The following PCGF5 variants were observed in gnomAD, a reference collection of about 807,000 sequenced individuals.
PCGF5 encodes the protein polycomb group ring finger 5.
In PCGF5, 9 loss-of-function variants were observed where a neutral mutation model predicts 44.3. The observed-to-expected ratio is 0.20, with a 90% CI of 0.12 to 0.35. The LOEUF is 0.35. PCGF5 is among the 10% of genes least tolerant of loss of function. The probability of loss-of-function intolerance (pLI) is 1.00; values close to 1 mark genes in which losing one functional copy is unlikely to be tolerated. For synonymous variants in PCGF5, 95 were observed against 102.5 expected (o/e 0.93, Z 0.44); for missense variants, 146 against 305.3 (o/e 0.48, Z 3.89).
At chr10:91,264,574 T>C in intron 8 of PCGF5, 54 bp downstream of exon 8, 1 of 1,324,404 alleles carries the variant, frequency 7.6e-7, no homozygotes, top group Non-Finnish European at 1.0e-6. Flanking sequence ...ACCATTATGT[T>C]ACTCAAATTT....
intron 2 of PCGF5, among the ~76,000 whole-genome samples, chr10:91,230,811 C>T (rs555360698): frequency 6.6e-5 from 10 of 151,806 alleles, no homozygotes; most frequent in Admixed American, 2.0e-4. Context: ...TGTGTAGAGA[C>T]GGGGTTTGGC....
chr10:91,252,409 A>T (rs1223396043), intron 6 of PCGF5, among the ~76,000 whole-genome samples: 1 of 152,054 alleles, frequency 6.6e-6, no homozygotes, highest in Non-Finnish European at 1.5e-5. Flanking sequence ...TTATAACAAC[A>T]TATATGAGCA....
chr10:91,216,531 T>C (rs1844543615), upstream of PCGF5, among the ~76,000 whole-genome samples: 1 of 152,206 alleles, frequency 6.6e-6, no homozygotes, highest in Non-Finnish European at 1.5e-5. Flanking sequence ...GAGAGCAGCA[T>C]GACCCTCATT....
At chr10:91,235,840 T>G (rs774596772) in intron 2 of PCGF5, among the ~76,000 whole-genome samples, 205 of 152,290 alleles carry the variant, frequency 1.3e-3, no homozygotes, top group Non-Finnish European at 2.3e-3. Context: ...TTGTGAGGCC[T>G]CCCCAGCCAT....
intron 8 of PCGF5, among the ~76,000 whole-genome samples, chr10:91,270,143 G>A (rs1429529611): frequency 6.6e-6 from 1 of 152,074 alleles, no homozygotes; most frequent in East Asian, 1.9e-4. Context: ...TCTCTATCCA[G>A]CCTTAGCTTT....
chr10:91,236,358 G>T (rs542028621), intron 2 of PCGF5, among the ~76,000 whole-genome samples: 92 of 152,266 alleles, frequency 6.0e-4, no homozygotes, highest in African/African-American at 2.1e-3. Flanking sequence ...CCTGATATTT[G>T]GTTAGTGCTC....
chr10:91,254,896 A>G (rs1331158816), intron 6 of PCGF5, among the ~76,000 whole-genome samples: 1 of 152,094 alleles, frequency 6.6e-6, no homozygotes, highest in Non-Finnish European at 1.5e-5. Flanking sequence ...ATGACTAACT[A>G]TCAGTATAAA....
chr10:91,263,424 T>A (rs1378560250), intron 7 of PCGF5, among the ~76,000 whole-genome samples: 1 of 152,194 alleles, frequency 6.6e-6, no homozygotes, highest in Non-Finnish European at 1.5e-5. Flanking sequence ...TCAATAATTT[T>A]GCTTCACATG....
At position 91,248,740 on chromosome 10, in the gene PCGF5, G is replaced by A. The variant is rs375207949; in HGVS notation, c.325+16G>A. 5.0e-6 allele frequency: 8 copies of A among 1,594,958 alleles called. No homozygotes were observed. The highest frequency in any genetic ancestry group is 6.0e-6 in the Non-Finnish European group (7 of 1,167,290). Reference sequence around the variant, plus strand: ...AATGGACAAGGTGACTTTTTCTTATGTCTGTTTCTGACAGCACCTCTTAAA... The same window carrying A: ...AATGGACAAGGTGACTTTTTCTTATATCTGTTTCTGACAGCACCTCTTAAA... On this transcript the variant is annotated intron_variant, in intron 5 of 9. Coordinates refer to ENST00000336126, the MANE Select transcript of PCGF5 (RefSeq NM_032373.5).
At chr10:91,266,468 T>G (rs184856445) in intron 8 of PCGF5, among the ~76,000 whole-genome samples, 6 of 152,322 alleles carry the variant, frequency 3.9e-5, no homozygotes, top group Admixed American at 2.0e-4. Flanking sequence ...TAGTTTAAAT[T>G]TTTTGGTTGT....
chr10:91,243,470 C>T (rs541186934), intron 3 of PCGF5, among the ~76,000 whole-genome samples: 1 of 152,136 alleles, frequency 6.6e-6, no homozygotes, highest in Non-Finnish European at 1.5e-5. Flanking sequence ...TGTACTTTTT[C>T]TCAGTAAGCT....
chr10:91,274,270 C>T (rs999016797), intron 9 of PCGF5, among the ~76,000 whole-genome samples: 1 of 152,162 alleles, frequency 6.6e-6, no homozygotes, highest in Non-Finnish European at 1.5e-5. Context: ...AAGGAAATAT[C>T]AGCAGGTGCT....
chr10:91,242,423 A>T (rs1464236041), intron 3 of PCGF5, among the ~76,000 whole-genome samples: 1 of 151,986 alleles, frequency 6.6e-6, no homozygotes, highest in Non-Finnish European at 1.5e-5. Flanking sequence ...TTAAAATAAA[A>T]AACTGTTAAT....
At chr10:91,156,404 A>G in the PCGF5 span, among the ~76,000 whole-genome samples, 1 of 152,224 alleles carries the variant, frequency 6.6e-6, no homozygotes, top group Admixed American at 6.5e-5. Flanking sequence ...TAACTGTAGT[A>G]GAAACCAAAA....
chr10:91,226,289 T>TAAAAAAAA (rs66465569), intron 2 of PCGF5, among the ~76,000 whole-genome samples: 2 of 75,142 alleles, frequency 2.7e-5, no homozygotes, highest in African/African-American at 5.4e-5. Flanking sequence ...TTAAGAAATG[T>TAAAAAAAA]AAAAAAAAAA....
intron 1 of PCGF5, among the ~76,000 whole-genome samples, chr10:91,211,065 T>G (rs1317355912): frequency 6.6e-6 from 1 of 152,194 alleles, no homozygotes; most frequent in African/African-American, 2.4e-5. Context: ...CAAAAAGGAA[T>G]GGTAATGGAG....
chr10:91,248,792 A>T, intron 5 of PCGF5, 68 bp downstream of exon 5: 1 of 1,269,766 alleles, frequency 7.9e-7, no homozygotes. Context: ...AGTTTAGGTG[A>T]ACTAATATGT....
chr10:91,212,647 C>A (rs746433506), intron 1 of PCGF5, among the ~76,000 whole-genome samples: 1 of 152,172 alleles, frequency 6.6e-6, no homozygotes, highest in African/African-American at 2.4e-5. Context: ...AAGAATTGTA[C>A]AGCCTAACTT....
At chr10:91,166,680 T>A (rs1481200957) in intron 1 of PCGF5, among the ~76,000 whole-genome samples, 1 of 152,188 alleles carries the variant, frequency 6.6e-6, no homozygotes, top group African/African-American at 2.4e-5. Context: ...TAGAAAAGCC[T>A]AGACTTTGCA....
Sources: allele counts gnomAD v4.1 joint callset (sites outside exome capture counted in the v4.1 genomes callset), GRCh38; gene constraint gnomAD v4.1.1; transcripts MANE v1.5; gene names NCBI Gene and HGNC (gene_info 2026-07-23, HGNC 2026-07-21).